The following STAU2 variants were observed in gnomAD, a reference collection of about 807,000 sequenced individuals.
STAU2 encodes the protein double-stranded RNA-binding protein Staufen homolog 2.
In STAU2, 20 loss-of-function variants were observed where a neutral mutation model predicts 65.9. That is an observed-to-expected ratio of 0.30 (90% CI 0.21 to 0.44). The LOEUF is 0.44. Among genes scored for constraint, STAU2 ranks in the 20% least tolerant of loss-of-function variants. The pLI is 1.00. For synonymous variants in STAU2, 232 were observed against 233.9 expected (o/e 0.99, Z 0.07); for missense variants, 558 against 683.9 (o/e 0.82, Z 2.05).
At chr8:73,546,350 AAAAC>A (rs1347774206) in intron 13 of STAU2, among the ~76,000 whole-genome samples, 10 of 152,216 alleles carry the variant, frequency 6.6e-5, no homozygotes, top group Admixed American at 3.9e-4. Context: ...ATCTATGACA[AAAAC>A]AAACCAATAT....
chr8:73,585,488 G>A (rs985581888), intron 11 of STAU2, among the ~76,000 whole-genome samples: 20 of 152,132 alleles, frequency 1.3e-4, no homozygotes, highest in Admixed American at 1.2e-3. Context: ...CTCAAAACAT[G>A]TATATATTAT....
intron 13 of STAU2, among the ~76,000 whole-genome samples, chr8:73,523,958 G>C (rs577742397): frequency 6.6e-6 from 1 of 152,240 alleles, no homozygotes; most frequent in South Asian, 2.1e-4. Flanking sequence ...GAGGTGGGAG[G>C]ATTGCCTGAG....
chr8:73,714,162 C>A (rs1454952238), intron 3 of STAU2, among the ~76,000 whole-genome samples: 1 of 152,170 alleles, frequency 6.6e-6, no homozygotes, highest in Admixed American at 6.5e-5. Context: ...CTCAGCCTCC[C>A]GAAGTGGTGG....
chr8:73,617,529 G>T, intron 6 of STAU2, 78 bp from the exon 7 acceptor site: 1 of 1,377,696 alleles, frequency 7.3e-7, no homozygotes, highest in Non-Finnish European at 1.0e-6. Context: ...TGTTTAAAAT[G>T]ATACCAATTA....
At chr8:73,615,645 A>G (rs1443492833) in intron 8 of STAU2, 30 bp downstream of exon 8, 1 of 1,555,634 alleles carries the variant, frequency 6.4e-7, no homozygotes, top group African/African-American at 1.4e-5. Flanking sequence ...AGCAAGGGAA[A>G]AAATGGGAAG....
chr8:73,720,460 A>G (rs1312951115), intron 3 of STAU2, among the ~76,000 whole-genome samples: 2 of 146,368 alleles, frequency 1.4e-5, no homozygotes, highest in Non-Finnish European at 3.0e-5. Context: ...AATATCTCCT[A>G]ATGTTGTATT....
chr8:73,495,683 A>ATATATATATATATATATATG (rs1821382045), intron 13 of STAU2, among the ~76,000 whole-genome samples: 2 of 135,088 alleles, frequency 1.5e-5, no homozygotes, highest in African/African-American at 5.2e-5. Flanking sequence ...ATATATATAT[A>ATATATATATATATATATATG]TATATGTATA....
chr8:73,494,104 T>C (rs528303208), intron 13 of STAU2, among the ~76,000 whole-genome samples: 29 of 151,810 alleles, frequency 1.9e-4, no homozygotes, highest in Admixed American at 4.6e-4. Context: ...GGGGTTTGAG[T>C]TGTACAAGCA....
intron 13 of STAU2, among the ~76,000 whole-genome samples, chr8:73,531,197 C>T (rs557828686): frequency 6.6e-6 from 1 of 152,148 alleles, no homozygotes; most frequent in Non-Finnish European, 1.5e-5. Flanking sequence ...TCCTCTAAGT[C>T]TCTGGAGCCA....
Position 73,496,760 on chromosome 8 carries a change from T to C in STAU2, c.1530+55252A>G, listed in dbSNP as rs369302332. Among the ~76,000 whole-genome samples, 107 of 151,864 alleles carry C rather than the reference T, an allele frequency of 7.0e-4. 1 individual carries two copies. In the South Asian group the frequency reaches 0.021, roughly 30 times the overall value. The stretch of plus-strand genomic sequence containing the variant: ...AAACTTATTACTGAGATCATTTACA[T>C]TCTTTTGTTTTTTGGTGCTGCCTTT... On this transcript the variant is annotated intron_variant, in intron 13 of 14. Coordinates refer to ENST00000524300, the MANE Select transcript of STAU2 (RefSeq NM_001164380.2).
chr8:73,462,426 C>T (rs962336940), intron 13 of STAU2, among the ~76,000 whole-genome samples: 6 of 150,632 alleles, frequency 4.0e-5, no homozygotes, highest in African/African-American at 1.2e-4. Flanking sequence ...GACAGGGTCT[C>T]GCTCTGTCAC....
At chr8:73,661,755 A>G (rs542585222) in intron 6 of STAU2, among the ~76,000 whole-genome samples, 28 of 152,318 alleles carry the variant, frequency 1.8e-4, no homozygotes, top group Admixed American at 4.6e-4. Context: ...AGATTCATGC[A>G]TATCATTGGA....
At chr8:73,518,921 C>A (rs901775656) in intron 13 of STAU2, among the ~76,000 whole-genome samples, 1 of 151,944 alleles carries the variant, frequency 6.6e-6, no homozygotes. Context: ...GGAGGGAGGA[C>A]CATTTTGAAA....
chr8:73,422,517 A>T, intron 14 of STAU2, 97 bp downstream of exon 14: 1 of 893,716 alleles, frequency 1.1e-6, no homozygotes, highest in Non-Finnish European at 1.6e-6. Context: ...TAAGATGTAG[A>T]TACTATTGTC....
intron 6 of STAU2, among the ~76,000 whole-genome samples, chr8:73,630,321 T>A (rs985724792): frequency 6.6e-6 from 1 of 152,222 alleles, no homozygotes; most frequent in African/African-American, 2.4e-5. Flanking sequence ...TATCCAATCC[T>A]CTTTATCTTT....
chr8:73,429,413 CTTTTTTTTTTTTTTTTTTTTTTT>C (rs71561522), intron 13 of STAU2, among the ~76,000 whole-genome samples: 15,086 of 65,862 alleles, frequency 0.23, 2,049 homozygotes, highest in African/African-American at 0.42. Context: ...TTGCTCAGGT[CTTTTTTTTTTTTTTTTTTTTTTT>C]TTTTTTTTTT....
chr8:73,566,393 T>G (rs965769163), intron 12 of STAU2, among the ~76,000 whole-genome samples: 1 of 152,224 alleles, frequency 6.6e-6, no homozygotes, highest in Non-Finnish European at 1.5e-5. Flanking sequence ...TGTTTTTACA[T>G]GATCCACCCA....
intron 13 of STAU2, among the ~76,000 whole-genome samples, chr8:73,432,434 C>G (rs1245051532): frequency 1.3e-5 from 2 of 152,180 alleles, no homozygotes; most frequent in African/African-American, 4.8e-5. Context: ...CCAGAAGGTT[C>G]TTCAATAAGC....
rs1378648027 is a variant in STAU2 at position 73,706,183 on chromosome 8, C to T, written c.114+2849G>A. ...CCAAACTGGAGTGCAGTGGTGCAAT[C>T]TTGGCTCACTGCAACCTCTACCTCC... On this transcript the variant is annotated intron_variant, in intron 4 of 14. Transcript: ENST00000524300. 7.2e-5 allele frequency among the ~76,000 whole-genome samples: 11 copies of T among 152,158 alleles called. No individual in the cohort carries two copies. In the South Asian group the frequency reaches 1.9e-3, roughly 26 times the overall value.
Sources: allele counts gnomAD v4.1 joint callset (sites outside exome capture counted in the v4.1 genomes callset), GRCh38; gene constraint gnomAD v4.1.1; transcripts MANE v1.5; gene names NCBI Gene and HGNC (gene_info 2026-07-23, HGNC 2026-07-21).